TLL1: variants seen among roughly 807,000 people sequenced by gnomAD.
The protein encoded by TLL1 is tolloid like 1, also known as tolloid-like protein 1.
TLL1 carries 49 observed loss-of-function variants against 128.2 expected under a neutral mutation model. The ratio of observed to expected loss-of-function variants is 0.38; its 90% CI spans 0.30 to 0.48. The LOEUF (loss-of-function observed/expected upper bound fraction) is 0.48, where lower values mean the gene tolerates loss of function less well. Ranked by LOEUF, TLL1 falls within the 20% of genes least tolerant of loss-of-function variation. The probability of loss-of-function intolerance (pLI) is 0.96; values close to 1 mark genes in which losing one functional copy is unlikely to be tolerated. For missense variants in TLL1, 1,123 were observed against 1,242.0 expected, an observed-to-expected ratio of 0.90 and a Z score of 1.44; for synonymous variants, 454 against 418.8, an observed-to-expected ratio of 1.08 and a Z score of -1.03.
chr4:165,957,405 A>G (rs1286015896), intron 1 of TLL1, among the ~76,000 whole-genome samples: 1 of 152,120 alleles, frequency 6.6e-6, no homozygotes, highest in African/African-American at 2.4e-5. Context: ...TAGTGGGGGA[A>G]CTTCAGCACT....
chr4:166,098,047 G>T (rs1353730391), intron 19 of TLL1, among the ~76,000 whole-genome samples: 1 of 151,878 alleles, frequency 6.6e-6, no homozygotes. Context: ...AAGTTATAGG[G>T]CTCTGGCCAG....
chr4:165,937,201 C>T (rs1005883386), intron 1 of TLL1, among the ~76,000 whole-genome samples: 1 of 152,056 alleles, frequency 6.6e-6, no homozygotes, highest in African/African-American at 2.4e-5. Context: ...GTTTCTTAGT[C>T]TATTCTGGAA....
Position 166,060,030 on chromosome 4 carries a change from G to C in TLL1, c.1849G>C (p.Ala617Pro). 6.2e-7 allele frequency: 1 copy of C among 1,613,478 alleles called. No homozygotes were observed. Among genetic ancestry groups the C allele is most frequent in the Non-Finnish European group, 8.5e-7 (1 of 1,179,776 alleles). ...CTTTTTCTTTTCTTTTCTTCTAGCTGCTTGTGGTGGACTTCTTACCAAACT... is the reference window on the plus strand; with the variant it reads ...CTTTTTCTTTTCTTTTCTTCTAGCTCCTTGTGGTGGACTTCTTACCAAACT... ...LGPDRRSCEA[A>P]CGGLLTKLNG... Residue 617 changes from alanine to proline, a missense_variant and splice_region_variant, in exon 15 of 21, where the codon GCT (alanine) becomes CCT (proline). Around this residue, in one of 3 missense-constraint regions of TLL1, gnomAD observed 634 missense variants for 672.4 expected, o/e 0.94. Coordinates refer to ENST00000061240, the MANE Select transcript of TLL1 (RefSeq NM_012464.5).
chr4:166,038,495 A>C (rs1739098413), intron 9 of TLL1, among the ~76,000 whole-genome samples: 1 of 152,002 alleles, frequency 6.6e-6, no homozygotes, highest in South Asian at 2.1e-4. Context: ...AATGTGAAAA[A>C]AAAAAAACCA....
chr4:165,996,239 G>A (rs796918855), intron 5 of TLL1, among the ~76,000 whole-genome samples: 3 of 152,244 alleles, frequency 2.0e-5, no homozygotes, highest in African/African-American at 7.2e-5. Flanking sequence ...GGATGGTTAA[G>A]TTACCTCTGT....
At chr4:166,014,314 A>G (rs562946277) in intron 7 of TLL1, 122 bp from the exon 8 acceptor site, 1 of 1,448,752 alleles carries the variant, frequency 6.9e-7, no homozygotes, top group Admixed American at 1.7e-5. Flanking sequence ...CACTGCTTAA[A>G]GCACACAAGG....
Position 166,070,636 on chromosome 4 carries a change from C to T in TLL1, c.2189-4242C>T, listed in dbSNP as rs193031986. ...CAGAAACGGACTAAAACTCGTTTTC[C>T]GACTCCCAGTTCATTTCTGTCTGTA... On this transcript the variant is annotated intron_variant, in intron 16 of 20. Transcript: ENST00000061240. Among the ~76,000 whole-genome samples, 410 of 151,942 alleles carry T rather than the reference C, an allele frequency of 2.7e-3. 1 individual carries two copies. Among genetic ancestry groups the T allele is most frequent in the African/African-American group, 9.1e-3 (376 of 41,524 alleles).
At chr4:165,913,082 A>G (rs1299800223) in intron 1 of TLL1, among the ~76,000 whole-genome samples, 1 of 152,176 alleles carries the variant, frequency 6.6e-6, no homozygotes, top group African/African-American at 2.4e-5. Context: ...ATTTCGGCCA[A>G]TTTCCCAATG....
intron 1 of TLL1, among the ~76,000 whole-genome samples, chr4:165,958,624 T>A (rs1266722399): frequency 7.0e-6 from 1 of 143,798 alleles, no homozygotes; most frequent in Non-Finnish European, 1.5e-5. Flanking sequence ...CTTTGTCAGA[T>A]GAGTAGGTTG....
intron 9 of TLL1, among the ~76,000 whole-genome samples, chr4:166,034,403 A>G (rs1204243906): frequency 2.6e-5 from 4 of 152,134 alleles, no homozygotes; most frequent in African/African-American, 9.7e-5. Context: ...CACAATAGCA[A>G]GCAGTTAGGG....
In TLL1 at chr4:166,055,003, G is replaced by A. The variant is rs571493195; in HGVS notation, c.1525-73G>A. The A allele has an allele frequency of 4.8e-6, 6 of 1,258,082 alleles. No individual in the cohort carries two copies. In the East Asian group the frequency reaches 1.5e-4, roughly 31 times the overall value. The allele number at this position is 1,258,082 out of a possible 1,614,324, so 77.9% of individuals were successfully genotyped here. A position where few individuals can be genotyped will look rare whatever the true frequency, so the allele number is the denominator to read the frequency against. ...TAACAAATCAGAAGTATGGCACTGA[G>A]AAGACATCTATCCTCCTATATAAAA... On this transcript the variant is annotated intron_variant, in intron 12 of 20. Transcript: ENST00000061240.
intron 1 of TLL1, among the ~76,000 whole-genome samples, chr4:165,986,428 C>CT (rs58501775): frequency 1.6e-4 from 24 of 150,698 alleles, no homozygotes; most frequent in African/African-American, 5.1e-4. Flanking sequence ...TCTAACGTGC[C>CT]TTTTTTTTTC....
chr4:165,979,427 G>T (rs1736047408), intron 1 of TLL1, among the ~76,000 whole-genome samples: 1 of 151,964 alleles, frequency 6.6e-6, no homozygotes. Context: ...ACAGTTTAAT[G>T]ATATTTATAT....
At chr4:166,083,700 T>A (rs1741383754) in intron 18 of TLL1, among the ~76,000 whole-genome samples, 1 of 66,756 alleles carries the variant, frequency 1.5e-5, no homozygotes, top group Admixed American at 2.5e-4. Context: ...TTCACCCATG[T>A]TGTTACAAAT....
At chr4:165,939,141 C>G (rs541821458) in intron 1 of TLL1, among the ~76,000 whole-genome samples, 7 of 152,072 alleles carry the variant, frequency 4.6e-5, no homozygotes, top group African/African-American at 1.4e-4. Flanking sequence ...AACTTTGAGG[C>G]TTCATCGTAG....
At chr4:165,952,819 G>GA (rs952169839) in intron 1 of TLL1, among the ~76,000 whole-genome samples, 3 of 151,954 alleles carry the variant, frequency 2.0e-5, no homozygotes, top group Non-Finnish European at 2.9e-5. Flanking sequence ...AAAATTTAAA[G>GA]AAAAAATGTC....
intron 1 of TLL1, among the ~76,000 whole-genome samples, chr4:165,912,528 C>T (rs931494430): frequency 6.6e-6 from 1 of 152,220 alleles, no homozygotes; most frequent in Admixed American, 6.5e-5. Flanking sequence ...CTAAAGTACA[C>T]ATCAGAAGTG....
chr4:165,874,188 C>A, intron 1 of TLL1, 115 bp downstream of exon 1: 1 of 1,287,996 alleles, frequency 7.8e-7, no homozygotes. Flanking sequence ...GCCCCTCCGC[C>A]GCCCCTCCTT....
chr4:165,894,537 A>C (rs1409011548), intron 1 of TLL1, among the ~76,000 whole-genome samples: 1 of 152,220 alleles, frequency 6.6e-6, no homozygotes, highest in East Asian at 1.9e-4. Flanking sequence ...AATCTGAAAG[A>C]CTTCATTGCC....
Sources: gnomAD v4.1 joint callset for allele counts (sites outside exome capture counted in the v4.1 genomes callset) on GRCh38, gnomAD v4.1.1 for gene constraint, gnomAD v4.1.1 regional missense constraint, MANE v1.5 for transcripts, NCBI Gene and HGNC (gene_info 2026-07-23, HGNC 2026-07-21) for gene names.